Variants in CHEK2 observed in about 807,000 individuals in gnomAD.
The protein encoded by CHEK2 is checkpoint kinase 2.
CHEK2 carries 71 observed loss-of-function variants against 69.1 expected under a neutral mutation model. The observed-to-expected ratio is 1.03, with a 90% CI of 0.85 to 1.25. The LOEUF is 1.25. Ranked by LOEUF, CHEK2 falls within the 50% of genes most tolerant of loss-of-function variation. The probability of loss-of-function intolerance (pLI) is 0.00; values close to 1 mark genes in which losing one functional copy is unlikely to be tolerated. For synonymous variants in CHEK2, 189 were observed against 226.9 expected (o/e 0.83, Z 1.50); for missense variants, 664 against 649.6 (o/e 1.02, Z -0.24).
rs1555932995 is a variant in CHEK2, at chr22:28,734,735, A to C, written c.-6-8T>G. On this transcript the variant is annotated splice_polypyrimidine_tract_variant and splice_region_variant and intron_variant, in intron 1 of 14. Coordinates refer to ENST00000404276, the MANE Select transcript of CHEK2 (RefSeq NM_007194.4). ...CTCCCGAGACATCACGACCTCAAAAAGAAAGTGTCCAACAACAAAGGTGAG... is the reference window on the plus strand; with the variant it reads ...CTCCCGAGACATCACGACCTCAAAACGAAAGTGTCCAACAACAAAGGTGAG... 3 of 1,612,954 alleles carry C rather than the reference A, an allele frequency of 1.9e-6. No homozygotes were observed. Among genetic ancestry groups the C allele is most frequent in the African/African-American group, 1.3e-5 (1 of 75,026 alleles).
At chr22:28,705,161 C>A (rs1361119482) in intron 7 of CHEK2, among the ~76,000 whole-genome samples, 1 of 150,766 alleles carries the variant, frequency 6.6e-6, no homozygotes, top group Non-Finnish European at 1.5e-5. Flanking sequence ...TCACTGCAAG[C>A]TCTGCCTCCC....
rs190487254 is a variant in CHEK2 at position 28,690,309 on chromosome 22, T to C, written c.1462-1094A>G. ...GAATTTGAGACCAGCCTGGGCAACA[T>C]AGTGGGACTTCGTCACTACAAAAAA... On this transcript the variant is annotated intron_variant, in intron 13 of 14. Transcript: ENST00000404276. Among the ~76,000 whole-genome samples the C allele has an allele frequency of 1.5e-3, 225 of 152,086 alleles. 1 individual carries two copies. The highest frequency in any genetic ancestry group is 5.0e-3 in the African/African-American group (209 of 41,482).
chr22:28,700,214 T>G (rs990451018), intron 8 of CHEK2, among the ~76,000 whole-genome samples: 14 of 149,282 alleles, frequency 9.4e-5, no homozygotes, highest in African/African-American at 3.4e-4. Flanking sequence ...GGAGTTGCTT[T>G]TTTTTTTTTT....
At chr22:28,723,359 G>A (rs1005277537) in intron 4 of CHEK2, among the ~76,000 whole-genome samples, 6 of 152,168 alleles carry the variant, frequency 3.9e-5, no homozygotes, top group African/African-American at 1.4e-4. Flanking sequence ...AGCACTTTGG[G>A]AGGCCGAGGC....
intron 8 of CHEK2, among the ~76,000 whole-genome samples, chr22:28,701,398 G>C (rs150947327): frequency 7.4e-4 from 112 of 152,096 alleles, no homozygotes; most frequent in African/African-American, 2.5e-3. Flanking sequence ...TTTTAGTAGA[G>C]ACGGGGTTTT....
intron 7 of CHEK2, among the ~76,000 whole-genome samples, chr22:28,709,610 C>A (rs1055414068): frequency 6.6e-6 from 1 of 151,942 alleles, no homozygotes; most frequent in African/African-American, 2.4e-5. Flanking sequence ...TTTATTTATT[C>A]TTTTAATTTT....
At chr22:28,730,285 A>G (rs1330935642) in intron 2 of CHEK2, 55 of 278,022 alleles carry the variant, frequency 2.0e-4, no homozygotes, top group African/African-American at 4.6e-4. Flanking sequence ...AGCGGAAGGG[A>G]AAGGAAAGGA....
rs371207635 is a variant in CHEK2 at position 28,696,981 on chromosome 22, G to A, written c.1015C>T (p.His339Tyr). Residue 339 changes from histidine to tyrosine, a missense_variant, in exon 10 of 15, where the codon CAT (histidine) becomes TAT (tyrosine). His to Tyr is a moderately conservative substitution (Grantham distance 83). Transcript: ENST00000404276. The stretch of plus-strand genomic sequence containing the variant: ...TCACGGTGTATAATACCGTTTTCAT[G>A]AAGGTACTACACAGAAAGGCAGGCA... Reference protein sequence around the residue: ...YQMLLAVQYLHENGIIHRDLK... With the variant: ...YQMLLAVQYLYENGIIHRDLK... The A allele has an allele frequency of 6.2e-7, 1 of 1,609,290 alleles. No homozygotes were observed. Among genetic ancestry groups the A allele is most frequent in the Non-Finnish European group, 8.5e-7 (1 of 1,175,734 alleles).
At chr22:28,696,450 T>C (rs1188050529) in intron 10 of CHEK2, among the ~76,000 whole-genome samples, 1 of 152,218 alleles carries the variant, frequency 6.6e-6, no homozygotes, top group Non-Finnish European at 1.5e-5. Context: ...CTCAGCTCAC[T>C]GCAACTTCTG....
intron 2 of CHEK2, among the ~76,000 whole-genome samples, chr22:28,733,111 T>C (rs1006050234): frequency 6.6e-6 from 1 of 152,162 alleles, no homozygotes; most frequent in Non-Finnish European, 1.5e-5. Context: ...TACACACATG[T>C]GTATTTTAAA....
At chr22:28,734,814 G>C in intron 1 of CHEK2, 87 bp from the exon 2 acceptor site, 2 of 918,442 alleles carry the variant, frequency 2.2e-6, no homozygotes, top group Non-Finnish European at 1.6e-6. Flanking sequence ...TATTACAACA[G>C]CAAAAGAAAA....
In CHEK2 at chr22:28,736,411, T is replaced by G. The variant is rs147302993; in HGVS notation, c.-6-1684A>C. ...GAAACACACCTGTTCGTTCAATCTA[T>G]ATTCCCTGACACCTAAGGACCCAGT... On this transcript the variant is annotated intron_variant, in intron 1 of 14. Transcript: ENST00000404276. 1.7e-3 allele frequency among the ~76,000 whole-genome samples: 253 copies of G among 152,308 alleles called. 1 individual carries two copies. The highest frequency in any genetic ancestry group is 5.9e-3 in the African/African-American group (245 of 41,572).
intron 2 of CHEK2, among the ~76,000 whole-genome samples, chr22:28,726,935 A>G (rs570701488): frequency 6.6e-6 from 1 of 151,092 alleles, no homozygotes; most frequent in South Asian, 2.1e-4. Flanking sequence ...TTGTGGTCTT[A>G]GCACTTCTTC....
At chr22:28,720,044 C>A (rs2053718772) in intron 4 of CHEK2, among the ~76,000 whole-genome samples, 1 of 151,396 alleles carries the variant, frequency 6.6e-6, no homozygotes, top group Non-Finnish European at 1.5e-5. Flanking sequence ...ATTTTCTAAA[C>A]AAATTCCCTT....
intron 5 of CHEK2, among the ~76,000 whole-genome samples, chr22:28,713,322 T>C (rs2053471861): frequency 6.6e-6 from 1 of 152,146 alleles, no homozygotes; most frequent in Admixed American, 6.6e-5. Flanking sequence ...TACTTCTTCA[T>C]TGTGACTAAA....
chr22:28,721,454 T>G (rs934602761), intron 4 of CHEK2: 4 of 322,022 alleles, frequency 1.2e-5, no homozygotes, highest in Non-Finnish European at 2.6e-5. Flanking sequence ...GCCCGGCTAA[T>G]TTTTGTATTT....
At chr22:28,697,695 G>T (rs1306715921) in intron 9 of CHEK2, among the ~76,000 whole-genome samples, 1 of 151,718 alleles carries the variant, frequency 6.6e-6, no homozygotes, top group Non-Finnish European at 1.5e-5. Context: ...TCAGCCTCAT[G>T]AGTAGCTAGG....
intron 4 of CHEK2, among the ~76,000 whole-genome samples, chr22:28,722,719 T>C (rs2053843402): frequency 6.6e-6 from 1 of 152,052 alleles, no homozygotes. Context: ...TTTATTTTGT[T>C]TGGTTAGATG....
At chr22:28,712,307 T>C (rs949387935) in intron 5 of CHEK2, 7 of 419,394 alleles carry the variant, frequency 1.7e-5, no homozygotes, top group Non-Finnish European at 3.0e-5. Context: ...AAGAGAAAAA[T>C]GAGAGAGAAA....
Sources: allele counts gnomAD v4.1 joint callset (sites outside exome capture counted in the v4.1 genomes callset), GRCh38; gene constraint gnomAD v4.1.1; transcripts MANE v1.5; gene names NCBI Gene and HGNC (gene_info 2026-07-23, HGNC 2026-07-21).